KCTD14: variants seen among roughly 807,000 people sequenced by gnomAD.
The protein encoded by KCTD14 is BTB/POZ domain-containing protein KCTD14.
Under a neutral mutation model 5.9 loss-of-function variants are expected in KCTD14, and 7 were observed. That is an observed-to-expected ratio of 1.19 (90% CI 0.68 to 2.23). KCTD14 has a LOEUF of 2.23. Among genes scored for constraint, KCTD14 ranks in the 30% most tolerant of loss-of-function variants. The pLI is 0.00. For synonymous variants in KCTD14, 140 were observed against 133.1 expected (o/e 1.05, Z -0.36); for missense variants, 342 against 332.2 (o/e 1.03, Z -0.23).
intron 2 of KCTD14, among the ~76,000 whole-genome samples, chr11:78,038,428 A>G (rs1857882402): frequency 6.6e-6 from 1 of 152,222 alleles, no homozygotes; most frequent in South Asian, 2.1e-4. Flanking sequence ...ATTATTGTTT[A>G]CCAACTGTCC....
chr11:78,022,932 G>C (rs764642246), intron 1 of KCTD14: 16 of 545,936 alleles, frequency 2.9e-5, no homozygotes, highest in Non-Finnish European at 4.8e-5. Flanking sequence ...AGGCTGGACA[G>C]AGCCAAACCA....
upstream of KCTD14, among the ~76,000 whole-genome samples, chr11:78,025,118 G>GTGTATATATATATA (rs1230114793): frequency 2.5e-4 from 11 of 44,470 alleles, no homozygotes; most frequent in East Asian, 2.2e-3. Context: ...GTGTGTGTGT[G>GTGTATATATATATA]TATATATATA....
At chr11:78,033,301 A>G (rs531321975) in intron 2 of KCTD14, among the ~76,000 whole-genome samples, 101 of 152,370 alleles carry the variant, frequency 6.6e-4, no homozygotes, top group African/African-American at 2.4e-3. Context: ...GACTGGTTAA[A>G]TAAGAATATA....
intron 1 of KCTD14, among the ~76,000 whole-genome samples, chr11:78,022,720 G>C (rs1857338460): frequency 6.6e-6 from 1 of 152,082 alleles, no homozygotes; most frequent in Admixed American, 6.6e-5. Context: ...ACCCAGCCAA[G>C]GGGCAGGGGC....
rs189925314 is a variant in KCTD14, at chr11:78,033,508, C to T, written c.-1+5156G>A. Among the ~76,000 whole-genome samples, 1,134 of 152,010 alleles carry T rather than the reference C, an allele frequency of 7.5e-3. 15 individuals are homozygous for T. Among genetic ancestry groups the T allele is most frequent in the African/African-American group, 0.026 (1,061 of 41,454 alleles). The stretch of plus-strand genomic sequence containing the variant: ...ACCAGCCTGGCCAACATGGTGAAAC[C>T]CTGTCTCTACTAAAAATACAAAAAT... On this transcript the variant is annotated intron_variant, in intron 2 of 2. Coordinates refer to the KCTD14 transcript ENST00000533144.
intron 2 of KCTD14, among the ~76,000 whole-genome samples, chr11:78,031,046 G>GTTTT (rs11342063): frequency 1.5e-5 from 2 of 131,382 alleles, no homozygotes; most frequent in Non-Finnish European, 1.6e-5. Context: ...GCAAGTAATG[G>GTTTT]TTTTTTTTTT....
intron 2 of KCTD14, among the ~76,000 whole-genome samples, chr11:78,032,252 C>A (rs1417901415): frequency 6.6e-6 from 1 of 152,220 alleles, no homozygotes; most frequent in Non-Finnish European, 1.5e-5. Flanking sequence ...GCAGCCAGAG[C>A]TTCTGGATAA....
intron 1 of KCTD14, among the ~76,000 whole-genome samples, chr11:78,019,563 T>A (rs1305456041): frequency 6.6e-6 from 1 of 152,196 alleles, no homozygotes; most frequent in Non-Finnish European, 1.5e-5. Flanking sequence ...GGCTTCCTCC[T>A]GCCTGAGCCT....
intron 2 of KCTD14, among the ~76,000 whole-genome samples, chr11:78,036,103 G>A (rs1205509514): frequency 6.6e-6 from 1 of 152,080 alleles, no homozygotes; most frequent in Admixed American, 6.5e-5. Flanking sequence ...AGGTTGCATT[G>A]AGCAGAGATT....
chr11:78,023,111 G>A (rs770525488), intron 1 of KCTD14, 49 bp downstream of exon 1: 3 of 1,249,158 alleles, frequency 2.4e-6, no homozygotes, highest in Non-Finnish European at 3.4e-6. Flanking sequence ...GAGGCGGAGG[G>A]AAGAGGCGGA....
chr11:78,018,884 G>A (rs1026751281), intron 1 of KCTD14, among the ~76,000 whole-genome samples: 2 of 152,076 alleles, frequency 1.3e-5, no homozygotes, highest in African/African-American at 4.8e-5. Flanking sequence ...TGTTCATTCA[G>A]GAAGAATTTC....
chr11:78,033,899 G>GTACATA (rs1322215432), intron 2 of KCTD14, among the ~76,000 whole-genome samples: 1,344 of 46,462 alleles, frequency 0.029, 50 homozygotes, highest in African/African-American at 0.071. Context: ...ATGTGTGTGT[G>GTACATA]TGTATATATA....
At chr11:78,028,847 A>G (rs1401472893) in intron 2 of KCTD14, among the ~76,000 whole-genome samples, 4 of 152,102 alleles carry the variant, frequency 2.6e-5, no homozygotes, top group African/African-American at 4.8e-5. Context: ...AGGGTAAAGT[A>G]AAAGGATCAC....
At chr11:78,029,836 C>A (rs1375661342) in intron 2 of KCTD14, among the ~76,000 whole-genome samples, 1 of 150,154 alleles carries the variant, frequency 6.7e-6, no homozygotes, top group Non-Finnish European at 1.5e-5. Context: ...GGCTGGAGTG[C>A]AGTAGCGCAA....
At chr11:78,036,394 T>C (rs544395425) in intron 2 of KCTD14, among the ~76,000 whole-genome samples, 1 of 152,360 alleles carries the variant, frequency 6.6e-6, no homozygotes, top group East Asian at 1.9e-4. Context: ...GTACTTTGTA[T>C]GCACGATTGA....
chr11:78,040,169 C>T (rs1374271236), intron 1 of KCTD14, among the ~76,000 whole-genome samples: 1 of 152,230 alleles, frequency 6.6e-6, no homozygotes, highest in Non-Finnish European at 1.5e-5. Context: ...GGCCGCTGGC[C>T]AGGAGCTGAG....
At chr11:78,032,650 C>T (rs1255246413) in intron 2 of KCTD14, among the ~76,000 whole-genome samples, 1 of 151,694 alleles carries the variant, frequency 6.6e-6, no homozygotes, top group Non-Finnish European at 1.5e-5. Flanking sequence ...CTACTCCCAG[C>T]CTTGCCCTCT....
chr11:78,037,421 G>A (rs1424038282), intron 2 of KCTD14, among the ~76,000 whole-genome samples: 1 of 152,168 alleles, frequency 6.6e-6, no homozygotes, highest in Non-Finnish European at 1.5e-5. Flanking sequence ...CAGCTCCAAG[G>A]CCCTGAGCAC....
At chr11:78,025,898 T>A (rs1857451164), upstream of KCTD14, among the ~76,000 whole-genome samples, 1 of 152,218 alleles carries the variant, frequency 6.6e-6, no homozygotes, top group African/African-American at 2.4e-5. Flanking sequence ...AGAAGAAACT[T>A]TACATTGGGG....
Sources: gnomAD v4.1 joint callset for allele counts (sites outside exome capture counted in the v4.1 genomes callset) on GRCh38, gnomAD v4.1.1 for gene constraint, MANE v1.5 for transcripts, NCBI Gene and HGNC (gene_info 2026-07-23, HGNC 2026-07-21) for gene names.